The following MYO1D variants were observed in gnomAD, a reference collection of about 807,000 sequenced individuals.
The protein encoded by MYO1D is myosin ID.
MYO1D carries 83 observed loss-of-function variants against 122.0 expected under a neutral mutation model. The ratio of observed to expected loss-of-function variants is 0.68; its 90% CI spans 0.57 to 0.82. The LOEUF is 0.82. Ranked by LOEUF, MYO1D falls within the 40% of genes least tolerant of loss-of-function variation. The probability of loss-of-function intolerance (pLI) is 0.00; values close to 1 mark genes in which losing one functional copy is unlikely to be tolerated. For missense variants in MYO1D, 1,157 were observed against 1,269.5 expected (o/e 0.91, Z 1.35); for synonymous variants, 464 against 446.9 (o/e 1.04, Z -0.48).
In MYO1D at chr17:32,767,704, T is replaced by C. The variant is rs1389295427; in HGVS notation, c.763A>G (p.Lys255Glu). 3.1e-6 allele frequency: 5 copies of C among 1,613,816 alleles called. No homozygotes were observed. The Admixed American group carries it at 8.3e-5, about 27-fold the overall frequency. Residue 255 changes from lysine to glutamate, a missense_variant, in exon 7 of 22, where the codon AAA becomes GAA. Physicochemically the swap from Lys to Glu is moderately conservative, Grantham distance 56 (BLOSUM62 1). Transcript: ENST00000318217. ...AEFRVVADAM[K>E]VIGFKPEEIQ... ...TCCTCAGGTTTGAAGCCAATGACTTTCATGGCATCAGCAACAACTCTGAAT... is the reference window on the plus strand; with the variant it reads ...TCCTCAGGTTTGAAGCCAATGACTTCCATGGCATCAGCAACAACTCTGAAT...
intron 21 of MYO1D, among the ~76,000 whole-genome samples, chr17:32,569,578 C>T (rs575619869): frequency 6.6e-6 from 1 of 152,328 alleles, no homozygotes; most frequent in African/African-American, 2.4e-5. Flanking sequence ...TCACCTCCCA[C>T]TGGATGAGCA....
intron 1 of MYO1D, among the ~76,000 whole-genome samples, chr17:32,837,279 T>A (rs2090837020): frequency 9.0e-6 from 1 of 110,544 alleles, no homozygotes; most frequent in African/African-American, 3.9e-5. Flanking sequence ...ACTGGGCTGT[T>A]TGTCTTTTTT....
At chr17:32,508,520 C>T (rs1165739437) in intron 21 of MYO1D, among the ~76,000 whole-genome samples, 1 of 152,154 alleles carries the variant, frequency 6.6e-6, no homozygotes, top group Admixed American at 6.5e-5. Flanking sequence ...CAGTGGTCCA[C>T]CTGCCTTGGC....
intron 1 of MYO1D, among the ~76,000 whole-genome samples, chr17:32,801,268 ATTTTAAAATTCCAGGAAATAC>A (rs2090458349): frequency 6.6e-6 from 1 of 152,234 alleles, no homozygotes; most frequent in Admixed American, 6.5e-5. Context: ...TAATATTCTT[ATTTTAAAATTCCAGGAAATAC>A]TTTGTCTCAA....
rs747125006 is a variant in MYO1D, at chr17:32,494,465, C to T, written c.*294G>A. The stretch of plus-strand genomic sequence containing the variant: ...TGACCTGGCCACGGGGCATCCGCAC[C>T]AACTAAAGGCACCATCCAGTTGCCT... On this transcript the variant is annotated 3_prime_UTR_variant, in exon 22 of 22. Transcript: ENST00000318217. The T allele has an allele frequency of 5.6e-5, 22 of 392,514 alleles. No individual in the cohort carries two copies. Among genetic ancestry groups the T allele is most frequent in the Non-Finnish European group, 8.8e-5 (19 of 215,506 alleles). 24.3% of individuals were successfully genotyped at this position (392,514 alleles called of 1,614,324 possible).
At chr17:32,613,290 A>G (rs1191309473) in intron 20 of MYO1D, among the ~76,000 whole-genome samples, 4 of 152,158 alleles carry the variant, frequency 2.6e-5, no homozygotes, top group South Asian at 2.1e-4. Flanking sequence ...ATACTGACTC[A>G]TTTTATTTAT....
intron 15 of MYO1D, among the ~76,000 whole-genome samples, chr17:32,712,641 C>T (rs1023124043): frequency 6.6e-6 from 1 of 152,076 alleles, no homozygotes; most frequent in African/African-American, 2.4e-5. Flanking sequence ...TGTAACTTTC[C>T]TCAAAGGAAA....
intron 20 of MYO1D, among the ~76,000 whole-genome samples, chr17:32,617,018 T>A (rs139913223): frequency 8.9e-4 from 135 of 152,164 alleles, no homozygotes; most frequent in Non-Finnish European, 1.6e-3. Context: ...CCATTTCTAT[T>A]AAAAATACAA....
At chr17:32,638,111 C>T (rs2088131157) in intron 20 of MYO1D, among the ~76,000 whole-genome samples, 1 of 152,146 alleles carries the variant, frequency 6.6e-6, no homozygotes. Context: ...TAAACAGTCA[C>T]TTGTAAAGCA....
intron 16 of MYO1D, among the ~76,000 whole-genome samples, chr17:32,681,633 T>C (rs2088918759): frequency 2.0e-5 from 3 of 152,176 alleles, no homozygotes; most frequent in Non-Finnish European, 4.4e-5. Flanking sequence ...TTATAATTCC[T>C]GTTCTTTTAC....
intron 1 of MYO1D, among the ~76,000 whole-genome samples, chr17:32,816,958 A>G (rs1369470863): frequency 6.6e-6 from 1 of 152,086 alleles, no homozygotes; most frequent in East Asian, 1.9e-4. Context: ...CACAGAATAA[A>G]AAGTTTTTGG....
At chr17:32,726,469 C>A (rs2089574580) in intron 14 of MYO1D, among the ~76,000 whole-genome samples, 1 of 148,928 alleles carries the variant, frequency 6.7e-6, no homozygotes, top group Non-Finnish European at 1.5e-5. Flanking sequence ...TCATGAGTAA[C>A]TTGGCAAAAT....
At chr17:32,835,518 T>C (rs1295696703) in intron 1 of MYO1D, among the ~76,000 whole-genome samples, 4 of 152,198 alleles carry the variant, frequency 2.6e-5, no homozygotes, top group African/African-American at 9.7e-5. Flanking sequence ...TGAATAGCAT[T>C]GTCACAAAGA....
chr17:32,876,621 C>T (rs920299026), intron 1 of MYO1D, 157 bp downstream of exon 1: 7 of 541,386 alleles, frequency 1.3e-5, no homozygotes, highest in Middle Eastern at 4.9e-4. Context: ...AAAGCGCAGC[C>T]GCGGAGCTTG....
At chr17:32,714,962 C>T (rs1242367100) in intron 15 of MYO1D, among the ~76,000 whole-genome samples, 1 of 149,378 alleles carries the variant, frequency 6.7e-6, no homozygotes, top group Non-Finnish European at 1.5e-5. Context: ...AGCAAATGTA[C>T]AAGAAAAAAA....
intron 10 of MYO1D, among the ~76,000 whole-genome samples, chr17:32,755,986 A>C (rs1281201951): frequency 1.3e-5 from 2 of 152,144 alleles, no homozygotes; most frequent in African/African-American, 4.8e-5. Context: ...CTACTCCTTC[A>C]TACCAATCTG....
chr17:32,800,324 G>A (rs772583399), intron 1 of MYO1D, among the ~76,000 whole-genome samples: 16 of 152,122 alleles, frequency 1.1e-4, no homozygotes, highest in South Asian at 6.2e-4. Flanking sequence ...TTTAAAATGC[G>A]AAATATATAT....
chr17:32,514,293 A>G (rs1164677338), intron 21 of MYO1D, among the ~76,000 whole-genome samples: 1 of 142,810 alleles, frequency 7.0e-6, no homozygotes, highest in African/African-American at 2.6e-5. Context: ...GGGTTTTCCT[A>G]TGTTGCCCTG....
intron 1 of MYO1D, among the ~76,000 whole-genome samples, chr17:32,825,832 G>A (rs1231974878): frequency 6.6e-6 from 1 of 152,026 alleles, no homozygotes; most frequent in Non-Finnish European, 1.5e-5. Context: ...GAGCCCAGGA[G>A]TTCAAGACCA....
Sources: gnomAD v4.1 joint callset for allele counts (sites outside exome capture counted in the v4.1 genomes callset) on GRCh38, gnomAD v4.1.1 for gene constraint, MANE v1.5 for transcripts, NCBI Gene and HGNC (gene_info 2026-07-23, HGNC 2026-07-21) for gene names.